The following MAP3K7CL variants were observed in gnomAD, a reference collection of about 807,000 sequenced individuals.
MAP3K7CL encodes the protein MAP3K7 C-terminal like.
MAP3K7CL carries 16 observed loss-of-function variants against 18.6 expected under a neutral mutation model. That is an observed-to-expected ratio of 0.86 (90% CI 0.58 to 1.31). The LOEUF (loss-of-function observed/expected upper bound fraction) is 1.31. Among genes scored for constraint, MAP3K7CL ranks in the 50% most tolerant of loss-of-function variants. The pLI is 0.00. For missense variants in MAP3K7CL, 163 were observed against 174.4 expected, an observed-to-expected ratio of 0.93 and a Z score of 0.37; for synonymous variants, 65 against 66.8, an observed-to-expected ratio of 0.97 and a Z score of 0.13.
chr21:29,100,322 C>T (rs1349594187), intron 4 of MAP3K7CL, among the ~76,000 whole-genome samples: 2 of 152,084 alleles, frequency 1.3e-5, no homozygotes, highest in African/African-American at 2.4e-5. Flanking sequence ...TCTTGGGCTA[C>T]GGATAAAGCA....
intron 1 of MAP3K7CL, among the ~76,000 whole-genome samples, chr21:29,132,460 A>C (rs1163926356): frequency 1.3e-5 from 2 of 152,192 alleles, no homozygotes; most frequent in African/African-American, 4.8e-5. Flanking sequence ...TATTTAAAGC[A>C]TATGATATTC....
rs115829652 is a variant in MAP3K7CL, at chr21:29,146,477, C to A, written c.71-2712C>A. On this transcript the variant is annotated intron_variant, in intron 2 of 4. Coordinates refer to ENST00000399928, the MANE Select transcript of MAP3K7CL (RefSeq NM_001286620.2). ...TATTATTTTTGCCTTTTGTCCAATT[C>A]TTTGCAAACATTGGGGTGGATTTAA... 3.5e-3 allele frequency among the ~76,000 whole-genome samples: 531 copies of A among 152,298 alleles called. 2 individuals carry two copies. Among genetic ancestry groups the A allele is most frequent in the African/African-American group, 0.012 (480 of 41,574 alleles).
chr21:29,147,804 A>G (rs897014230), intron 2 of MAP3K7CL, among the ~76,000 whole-genome samples: 3 of 151,372 alleles, frequency 2.0e-5, no homozygotes, highest in African/African-American at 7.3e-5. Context: ...TGTACTGTAT[A>G]TGTGTACTGT....
At chr21:29,163,668 CT>C (rs1339587208) in intron 4 of MAP3K7CL, among the ~76,000 whole-genome samples, 7 of 149,976 alleles carry the variant, frequency 4.7e-5, no homozygotes, top group African/African-American at 7.4e-5. Context: ...ACACCAAGCT[CT>C]TGGCCTAACA....
intron 3 of MAP3K7CL, among the ~76,000 whole-genome samples, chr21:29,158,069 G>A (rs1351426007): frequency 1.4e-5 from 2 of 145,000 alleles, no homozygotes; most frequent in African/African-American, 5.0e-5. Context: ...GATCTGATGT[G>A]TAGAGTCTTA....
intron 4 of MAP3K7CL, among the ~76,000 whole-genome samples, chr21:29,100,998 C>A (rs2146530078): frequency 6.6e-6 from 1 of 151,504 alleles, no homozygotes; most frequent in Non-Finnish European, 1.5e-5. Flanking sequence ...AGGCATGAGC[C>A]ACTGCGCCCG....
chr21:29,115,696 A>G lies in MAP3K7CL; in HGVS notation c.370+23115A>G, dbSNP rs146881016. ...CAGACTCTTGTTCAAATCTCAATGA[A>G]ATGAAAATGCTGGGCCCCTTGTTCA... is the stretch of plus-strand genomic sequence containing the variant. On this transcript the variant is annotated intron_variant, in intron 4 of 6. Transcript: ENST00000286791. Among the ~76,000 whole-genome samples, 495 of 152,290 alleles carry G rather than the reference A, an allele frequency of 3.3e-3. 2 individuals are homozygous for G. The highest frequency in any genetic ancestry group is 0.011 in the African/African-American group (462 of 41,564).
chr21:29,080,650 T>C (rs985971431), intron 1 of MAP3K7CL: 9 of 152,134 alleles, frequency 5.9e-5, no homozygotes, highest in Admixed American at 6.5e-5. Context: ...TATCGGTCCA[T>C]CTAGTGGCGT....
At chr21:29,093,473 G>T (rs552130732) in intron 4 of MAP3K7CL, among the ~76,000 whole-genome samples, 26 of 151,504 alleles carry the variant, frequency 1.7e-4, no homozygotes, top group Non-Finnish European at 2.5e-4. Context: ...AGGTTTTTTT[G>T]TTTGTTTGTT....
At chr21:29,102,465 CT>C (rs2086247101) in intron 4 of MAP3K7CL, 1 of 108,124 alleles carries the variant, frequency 9.2e-6, no homozygotes, top group Non-Finnish European at 1.7e-5. Flanking sequence ...TTGATTCTCT[CT>C]CTCTCTCTCT....
chr21:29,161,026 G>A (rs1014321895), intron 4 of MAP3K7CL, among the ~76,000 whole-genome samples: 8 of 152,324 alleles, frequency 5.3e-5, no homozygotes, highest in African/African-American at 1.9e-4. Flanking sequence ...AATATTTTGT[G>A]GGGGCCGGGC....
At chr21:29,167,252 T>G (rs1261427792) in intron 4 of MAP3K7CL, among the ~76,000 whole-genome samples, 1 of 152,246 alleles carries the variant, frequency 6.6e-6, no homozygotes, top group African/African-American at 2.4e-5. Flanking sequence ...GGTTGTCTTT[T>G]TGTTTCTGAG....
chr21:29,133,246 C>CT lies in MAP3K7CL; in HGVS notation c.-39-59dup. Reference sequence around the variant, plus strand: ...CTTCACCTGTAATTTCCAAGGGCCTCTGAGTATTTAGGGGGATGATGCTGG... The same window carrying CT: ...CTTCACCTGTAATTTCCAAGGGCCTCTTGAGTATTTAGGGGGATGATGCTGG... On this transcript the variant is annotated intron_variant, in intron 1 of 4. Coordinates refer to ENST00000399928, the MANE Select transcript of MAP3K7CL (RefSeq NM_001286620.2). The CT allele has an allele frequency of 3.1e-6, 4 of 1,308,448 alleles. No homozygotes were observed. In the South Asian group the frequency reaches 5.4e-5, roughly 18 times the overall value. The allele number at this position is 1,308,448 out of a possible 1,614,324, so 81.1% of individuals were successfully genotyped here.
intron 4 of MAP3K7CL, among the ~76,000 whole-genome samples, chr21:29,097,816 A>AC (rs2086149502): frequency 6.6e-6 from 1 of 151,984 alleles, no homozygotes; most frequent in Non-Finnish European, 1.5e-5. Flanking sequence ...GTTGATTTCT[A>AC]CCCCCCGCAC....
intron 4 of MAP3K7CL, among the ~76,000 whole-genome samples, chr21:29,167,790 C>T (rs1360523962): frequency 6.6e-6 from 1 of 151,412 alleles, no homozygotes; most frequent in Non-Finnish European, 1.5e-5. Flanking sequence ...AGCTCCATCT[C>T]CCCGGTTCAT....
intron 3 of MAP3K7CL, among the ~76,000 whole-genome samples, chr21:29,157,907 A>G (rs907339102): frequency 6.6e-6 from 1 of 152,176 alleles, no homozygotes; most frequent in South Asian, 2.1e-4. Flanking sequence ...GCTGCTCTCT[A>G]TGTTATCTTA....
chr21:29,155,186 C>T (rs2146706897), intron 3 of MAP3K7CL, among the ~76,000 whole-genome samples: 1 of 152,204 alleles, frequency 6.6e-6, no homozygotes, highest in South Asian at 2.1e-4. Context: ...TTTTAACAAA[C>T]GATGCTTGTT....
intron 3 of MAP3K7CL, among the ~76,000 whole-genome samples, chr21:29,153,771 C>G (rs1478698670): frequency 3.3e-5 from 5 of 152,072 alleles, no homozygotes; most frequent in Non-Finnish European, 2.9e-5. Context: ...CAGGTCTCAG[C>G]TTCTTTCTGT....
chr21:29,121,727 A>T (rs922419660), intron 4 of MAP3K7CL, among the ~76,000 whole-genome samples: 9 of 151,654 alleles, frequency 5.9e-5, no homozygotes, highest in African/African-American at 2.2e-4. Context: ...TGACCTTAAC[A>T]TTGAAGCTTA....
Sources: allele counts gnomAD v4.1 joint callset (sites outside exome capture counted in the v4.1 genomes callset), GRCh38; gene constraint gnomAD v4.1.1; transcripts MANE v1.5; gene names NCBI Gene and HGNC (gene_info 2026-07-23, HGNC 2026-07-21).